Variants in ZNF385B observed in about 807,000 individuals in gnomAD.
ZNF385B encodes the protein zinc finger protein 385B, also known as zinc finger protein 533.
ZNF385B carries 23 observed loss-of-function variants against 39.2 expected under a neutral mutation model. That is an observed-to-expected ratio of 0.59 (90% CI 0.42 to 0.83). The LOEUF is 0.83. Among genes scored for constraint, ZNF385B ranks in the 40% least tolerant of loss-of-function variants. The probability of loss-of-function intolerance (pLI) is 0.00; values close to 1 mark genes in which losing one functional copy is unlikely to be tolerated. For missense variants in ZNF385B, 552 were observed against 598.9 expected (o/e 0.92, Z 0.82); for synonymous variants, 205 against 222.6 (o/e 0.92, Z 0.70).
At chr2:179,637,629 G>T (rs3112943) in intron 3 of ZNF385B, among the ~76,000 whole-genome samples, 1 of 151,064 alleles carries the variant, frequency 6.6e-6, no homozygotes, top group Non-Finnish European at 1.5e-5. Context: ...GCATCGCACC[G>T]AATGCCTGCA....
chr2:179,825,778 G>T (rs565943888), intron 1 of ZNF385B, among the ~76,000 whole-genome samples: 1 of 152,110 alleles, frequency 6.6e-6, no homozygotes, highest in Non-Finnish European at 1.5e-5. Context: ...TCTGAAATAG[G>T]ACGCCATTTT....
At chr2:179,817,973 G>T (rs769036838) in intron 1 of ZNF385B, among the ~76,000 whole-genome samples, 1 of 152,142 alleles carries the variant, frequency 6.6e-6, no homozygotes, top group Admixed American at 6.5e-5. Context: ...GTGTGTTTAT[G>T]TATGTGTCAG....
intron 4 of ZNF385B, among the ~76,000 whole-genome samples, chr2:179,531,659 A>G (rs1189776504): frequency 6.6e-6 from 1 of 152,100 alleles, no homozygotes; most frequent in Non-Finnish European, 1.5e-5. Flanking sequence ...AAATAGAAAT[A>G]TATAAATAAA....
At chr2:179,655,107 T>C (rs760297567) in intron 3 of ZNF385B, among the ~76,000 whole-genome samples, 1 of 152,182 alleles carries the variant, frequency 6.6e-6, no homozygotes, top group Non-Finnish European at 1.5e-5. Context: ...TCATGGGTAG[T>C]TTTTGGATTC....
chr2:179,777,974 T>C (rs1704440636), intron 1 of ZNF385B, among the ~76,000 whole-genome samples: 1 of 152,118 alleles, frequency 6.6e-6, no homozygotes, highest in Non-Finnish European at 1.5e-5. Flanking sequence ...CTTCACCATG[T>C]TGTCTGGGCT....
chr2:179,631,964 T>A (rs925000964), intron 3 of ZNF385B, among the ~76,000 whole-genome samples: 11 of 151,908 alleles, frequency 7.2e-5, no homozygotes, highest in African/African-American at 2.7e-4. Flanking sequence ...CACATAATGG[T>A]AAAGGGATCA....
rs566145530 is a variant in ZNF385B, at chr2:179,462,338, A to G, written c.716-15568T>C. On this transcript the variant is annotated intron_variant, in intron 6 of 9. Coordinates refer to ENST00000410066, the MANE Select transcript of ZNF385B (RefSeq NM_152520.6). ...CAGTCAGAGTACCTACTTTCTTCCA[A>G]TTGTGCAGTCTTGTGAGAAATAAAG... Among the ~76,000 whole-genome samples, 32 of 152,300 alleles carry G rather than the reference A, an allele frequency of 2.1e-4. No individual in the cohort carries two copies. In the East Asian group the frequency reaches 2.7e-3, roughly 13 times the overall value.
chr2:179,645,781 A>T (rs1240161859), intron 3 of ZNF385B, among the ~76,000 whole-genome samples: 1 of 152,126 alleles, frequency 6.6e-6, no homozygotes, highest in East Asian at 1.9e-4. Context: ...GGGCTCATTG[A>T]TGGGTCTCAG....
chr2:179,671,131 A>G (rs183475613), intron 3 of ZNF385B, among the ~76,000 whole-genome samples: 110 of 152,340 alleles, frequency 7.2e-4, no homozygotes, highest in Admixed American at 1.0e-3. Context: ...TTCAAGTATA[A>G]AAACTTTGTC....
intron 1 of ZNF385B, among the ~76,000 whole-genome samples, chr2:179,844,589 G>A (rs1242695031): frequency 1.3e-5 from 2 of 152,046 alleles, no homozygotes; most frequent in Non-Finnish European, 2.9e-5. Context: ...AAAGAAGCAA[G>A]GAAGAAAAGG....
chr2:179,464,814 T>C (rs962357228), intron 6 of ZNF385B, among the ~76,000 whole-genome samples: 4 of 152,222 alleles, frequency 2.6e-5, no homozygotes, highest in Admixed American at 6.5e-5. Context: ...TTGCCCAGGA[T>C]TGTCTTGGCT....
At chr2:179,778,977 A>G (rs1704510030) in intron 1 of ZNF385B, among the ~76,000 whole-genome samples, 1 of 152,230 alleles carries the variant, frequency 6.6e-6, no homozygotes, top group Non-Finnish European at 1.5e-5. Flanking sequence ...TGATTTTCAC[A>G]GAGTTCTGGT....
chr2:179,664,349 A>G (rs1206150186), intron 3 of ZNF385B, among the ~76,000 whole-genome samples: 21 of 152,162 alleles, frequency 1.4e-4, no homozygotes, highest in Non-Finnish European at 4.4e-5. Context: ...AAAGGCATTA[A>G]CTAATATTAT....
chr2:179,595,871 C>T (rs1285464226), intron 3 of ZNF385B, among the ~76,000 whole-genome samples: 3 of 151,756 alleles, frequency 2.0e-5, no homozygotes, highest in Non-Finnish European at 4.4e-5. Context: ...AAGAAAATAA[C>T]TGGTGAGTTC....
intron 4 of ZNF385B, among the ~76,000 whole-genome samples, chr2:179,520,105 G>A (rs188893612): frequency 6.6e-6 from 1 of 152,066 alleles, no homozygotes; most frequent in East Asian, 1.9e-4. Flanking sequence ...GCTGAGGCAG[G>A]AGGATCACTT....
chr2:179,766,724 G>A (rs563393806), intron 3 of ZNF385B, among the ~76,000 whole-genome samples: 1 of 152,142 alleles, frequency 6.6e-6, no homozygotes, highest in South Asian at 2.1e-4. Context: ...AAAGACCCTA[G>A]CTCTAAATAA....
At chr2:179,727,857 G>C (rs1405704880) in intron 3 of ZNF385B, among the ~76,000 whole-genome samples, 1 of 152,082 alleles carries the variant, frequency 6.6e-6, no homozygotes, top group Non-Finnish European at 1.5e-5. Flanking sequence ...GCCCAGACTA[G>C]CTTGGAGGCA....
At chr2:179,578,712 G>A (rs1351956632) in intron 3 of ZNF385B, among the ~76,000 whole-genome samples, 2 of 152,032 alleles carry the variant, frequency 1.3e-5, no homozygotes, top group Non-Finnish European at 2.9e-5. Flanking sequence ...AAGGTCATTA[G>A]ATTCTGTTCC....
At chr2:179,567,670 GT>G (rs940444661) in intron 3 of ZNF385B, among the ~76,000 whole-genome samples, 41 of 152,312 alleles carry the variant, frequency 2.7e-4, no homozygotes, top group African/African-American at 9.6e-4. Context: ...AGAGACAAAA[GT>G]GGGCTAGAAG....
Sources: allele counts gnomAD v4.1 joint callset (sites outside exome capture counted in the v4.1 genomes callset), GRCh38; gene constraint gnomAD v4.1.1; transcripts MANE v1.5; gene names NCBI Gene and HGNC (gene_info 2026-07-23, HGNC 2026-07-21).